The following PLEKHA2 variants were observed in gnomAD, a reference collection of about 807,000 sequenced individuals.
The protein encoded by PLEKHA2 is pleckstrin homology domain containing A2.
A neutral mutation model predicts 53.2 loss-of-function variants in PLEKHA2; 28 were observed. The observed-to-expected ratio is 0.53, with a 90% CI of 0.39 to 0.72. PLEKHA2 has a LOEUF of 0.72. PLEKHA2 is among the 30% of genes least tolerant of loss of function. The pLI is 0.00. For missense variants in PLEKHA2, 426 were observed against 537.9 expected (o/e 0.79, Z 2.06); for synonymous variants, 193 against 196.4 (o/e 0.98, Z 0.14).
chr8:38,971,114 A>G lies in PLEKHA2; in HGVS notation c.*1331A>G, dbSNP rs1835240784. The G allele has an allele frequency of 1.3e-5, 2 of 152,224 alleles. No individual in the cohort carries two copies. The highest frequency in any genetic ancestry group is 4.8e-5 in the African/African-American group (2 of 41,454). 9.4% of individuals were successfully genotyped at this position (152,224 alleles called of 1,614,324 possible). Reference sequence around the variant, plus strand: ...TCTAATGCAGAGGTGAAAACACTTGATGAGAAAATCCTTTGTGGCTTGAGG... The same window carrying G: ...TCTAATGCAGAGGTGAAAACACTTGGTGAGAAAATCCTTTGTGGCTTGAGG... On this transcript the variant is annotated 3_prime_UTR_variant, in exon 12 of 12. Coordinates refer to ENST00000617275, the MANE Select transcript of PLEKHA2 (RefSeq NM_021623.2).
rs1489646521 is a variant in PLEKHA2 at position 38,970,066 on chromosome 8, C to G, written c.*283C>G. Reference sequence around the variant, plus strand: ...TGGAGAGGAAGCTACCTATTCTATTCTAACTATTCTGAGGTCTTCCTGGAG... The same window carrying G: ...TGGAGAGGAAGCTACCTATTCTATTGTAACTATTCTGAGGTCTTCCTGGAG... On this transcript the variant is annotated 3_prime_UTR_variant, in exon 12 of 12. Coordinates refer to ENST00000617275, the MANE Select transcript of PLEKHA2 (RefSeq NM_021623.2). 3 of 527,344 alleles carry G rather than the reference C, an allele frequency of 5.7e-6. No homozygotes were observed. In the African/African-American group the frequency reaches 5.9e-5, roughly 10 times the overall value. 32.7% of individuals were successfully genotyped at this position (527,344 alleles called of 1,614,324 possible).
intron 3 of PLEKHA2, among the ~76,000 whole-genome samples, chr8:38,936,939 A>G (rs4076625): frequency 0.37 from 56,902 of 152,116 alleles, 10,844 homozygotes; most frequent in Non-Finnish European, 0.41. Flanking sequence ...TGCCCTGCAC[A>G]TCCCCTTTCA....
chr8:38,943,701 C>A, intron 3 of PLEKHA2, 88 bp from the exon 4 acceptor site: 2 of 1,000,380 alleles, frequency 2.0e-6, no homozygotes. Context: ...GTTTAATGTA[C>A]TCTTTATATA....
chr8:38,965,389 A>G (rs781350320), intron 10 of PLEKHA2, among the ~76,000 whole-genome samples: 1 of 152,144 alleles, frequency 6.6e-6, no homozygotes, highest in African/African-American at 2.4e-5. Context: ...TGGAAGGAGC[A>G]TGGAGATAGC....
rs1257876045 is a variant in PLEKHA2, at chr8:38,971,382, T to C, written c.*1599T>C. ...TCTTGGTTTGGGAGTTATGTATTTTTGAGTGATCGAGGTTATGACATACTT... is the reference window on the plus strand; with the variant it reads ...TCTTGGTTTGGGAGTTATGTATTTTCGAGTGATCGAGGTTATGACATACTT... On this transcript the variant is annotated 3_prime_UTR_variant, in exon 12 of 12. Transcript: ENST00000617275. The C allele has an allele frequency of 6.5e-6, 1 of 153,146 alleles. No individual in the cohort carries two copies. Among genetic ancestry groups the C allele is most frequent in the African/African-American group, 2.4e-5 (1 of 41,474 alleles). 9.5% of individuals were successfully genotyped at this position (153,146 alleles called of 1,614,324 possible).
chr8:38,907,120 A>T (rs1833888950), intron 1 of PLEKHA2, among the ~76,000 whole-genome samples: 1 of 152,026 alleles, frequency 6.6e-6, no homozygotes, highest in Non-Finnish European at 1.5e-5. Context: ...CACACGCCCC[A>T]CTCCTTGTCA....
intron 2 of PLEKHA2, among the ~76,000 whole-genome samples, chr8:38,935,395 G>A (rs889109526): frequency 3.8e-4 from 57 of 151,898 alleles, no homozygotes; most frequent in African/African-American, 1.4e-3. Context: ...ACTAAGGATC[G>A]GTGGTTAAGG....
intron 1 of PLEKHA2, among the ~76,000 whole-genome samples, chr8:38,915,039 T>C (rs1020079343): frequency 6.6e-6 from 1 of 152,140 alleles, no homozygotes; most frequent in African/African-American, 2.4e-5. Flanking sequence ...CCCAAATTCT[T>C]GAGCTCAAGC....
intron 2 of PLEKHA2, among the ~76,000 whole-genome samples, chr8:38,933,516 C>T (rs1168488116): frequency 6.6e-6 from 1 of 152,038 alleles, no homozygotes; most frequent in Non-Finnish European, 1.5e-5. Context: ...ACTCACAAGC[C>T]CACTTTCCTA....
chr8:38,950,710 T>G (rs1460777587), intron 5 of PLEKHA2, 140 bp from the exon 6 acceptor site: 7 of 997,196 alleles, frequency 7.0e-6, no homozygotes, highest in Non-Finnish European at 1.0e-5. Flanking sequence ...ATTTGGACTG[T>G]GGAAGGCTTG....
chr8:38,964,515 C>T (rs542103888), intron 10 of PLEKHA2, among the ~76,000 whole-genome samples: 6 of 152,194 alleles, frequency 3.9e-5, no homozygotes, highest in African/African-American at 9.6e-5. Context: ...CGAAACCACC[C>T]GTCATCCCCC....
chr8:38,928,301 T>A (rs1834324464), intron 2 of PLEKHA2, among the ~76,000 whole-genome samples: 1 of 140,182 alleles, frequency 7.1e-6, no homozygotes. Context: ...CAGGCTGGAG[T>A]GCAGTGGTGT....
chr8:38,928,991 G>A (rs1469988968), intron 2 of PLEKHA2, among the ~76,000 whole-genome samples: 1 of 152,152 alleles, frequency 6.6e-6, no homozygotes, highest in Non-Finnish European at 1.5e-5. Context: ...TGGGGCAGCG[G>A]CAGCTATGCT....
chr8:38,932,139 C>T (rs1261074809), intron 2 of PLEKHA2, among the ~76,000 whole-genome samples: 1 of 152,092 alleles, frequency 6.6e-6, no homozygotes, highest in South Asian at 2.1e-4. Context: ...TACAAATGTG[C>T]ACCACTACAC....
At chr8:38,938,684 G>A (rs186009877) in intron 3 of PLEKHA2, among the ~76,000 whole-genome samples, 5 of 152,262 alleles carry the variant, frequency 3.3e-5, no homozygotes, top group Admixed American at 1.3e-4. Context: ...ACCTCTGCTC[G>A]CTGCTGGGGT....
In PLEKHA2 at chr8:38,973,595, C is replaced by G. The variant is rs1379896555; in HGVS notation, c.*3812C>G. Reference sequence around the variant, plus strand: ...TCTTGTCTGCCAGCACCCTTTTCTTCCTTTGTTCCTTTTCCTCTCTGTGTT... The same window carrying G: ...TCTTGTCTGCCAGCACCCTTTTCTTGCTTTGTTCCTTTTCCTCTCTGTGTT... On this transcript the variant is annotated 3_prime_UTR_variant, in exon 12 of 12. Transcript: ENST00000617275. 1 of 150,590 alleles carries G rather than the reference C, an allele frequency of 6.6e-6. No homozygotes were observed. The highest frequency in any genetic ancestry group is 2.1e-4 in the South Asian group (1 of 4,692). 9.3% of individuals were successfully genotyped at this position (150,590 alleles called of 1,614,324 possible).
At chr8:38,943,909 C>A in intron 4 of PLEKHA2, 72 bp downstream of exon 4, 1 of 1,290,484 alleles carries the variant, frequency 7.7e-7, no homozygotes, top group Non-Finnish European at 1.1e-6. Flanking sequence ...TGGAGACAGT[C>A]CTGTGATCAC....
At chr8:38,903,218 C>G (rs1833819807) in intron 1 of PLEKHA2, among the ~76,000 whole-genome samples, 1 of 152,154 alleles carries the variant, frequency 6.6e-6, no homozygotes, top group Non-Finnish European at 1.5e-5. Context: ...ATCCTTTGAC[C>G]CTGTTTGTAC....
intron 5 of PLEKHA2, among the ~76,000 whole-genome samples, chr8:38,946,891 T>C (rs944290503): frequency 5.3e-5 from 8 of 152,212 alleles, no homozygotes; most frequent in African/African-American, 1.4e-4. Flanking sequence ...CTGGCTTATA[T>C]AGATCATGGC....
Sources: gnomAD v4.1 joint callset for allele counts (sites outside exome capture counted in the v4.1 genomes callset) on GRCh38, gnomAD v4.1.1 for gene constraint, MANE v1.5 for transcripts, NCBI Gene and HGNC (gene_info 2026-07-23, HGNC 2026-07-21) for gene names.